The following IFT172 variants were observed in gnomAD, a reference collection of about 807,000 sequenced individuals.
The protein encoded by IFT172 is intraflagellar transport 172.
In IFT172, 164 loss-of-function variants were observed where a neutral mutation model predicts 248.9. The observed-to-expected ratio is 0.66, with a 90% CI of 0.58 to 0.75. The LOEUF (loss-of-function observed/expected upper bound fraction) is 0.75. IFT172 is among the 30% of genes least tolerant of loss of function. IFT172 has a pLI of 0.00. For missense variants in IFT172, 1,950 were observed against 2,192.4 expected, an observed-to-expected ratio of 0.89 and a Z score of 2.21; for synonymous variants, 729 against 791.6, an observed-to-expected ratio of 0.92 and a Z score of 1.33.
intron 42 of IFT172, among the ~76,000 whole-genome samples, chr2:27,446,680 ATTTTTTT>A (rs766069964): frequency 2.7e-4 from 22 of 80,466 alleles, no homozygotes; most frequent in African/African-American, 6.7e-4. Flanking sequence ...TGCCTGGCTA[ATTTTTTT>A]TTTTTTTTTT....
chr2:27,461,769 G>A lies in IFT172; in HGVS notation c.2183C>T (p.Ala728Val), dbSNP rs748281342. ...AGATAAAACAGGTACCTTGGCTTCA[G>A]CCACAGCGATACACTCATCCCAACG... The part of the protein sequence containing the change: ...LHRWDECIAV[A>V]EAKGHPALEK... The change falls in exon 21 of 48, where the codon GCT (alanine) becomes GTT (valine). Residue 728 changes from alanine to valine, a missense_variant. By Grantham distance (64) the Ala-to-Val change is moderately conservative. Transcript: ENST00000260570. 1 of 1,614,130 alleles carries A rather than the reference G, an allele frequency of 6.2e-7. No individual in the cohort carries two copies. Among genetic ancestry groups the A allele is most frequent in the East Asian group, 2.2e-5 (1 of 44,874 alleles).
intron 7 of IFT172, 100 bp downstream of exon 7, chr2:27,483,189 G>GT (rs1161891676): frequency 1.8e-5 from 13 of 731,208 alleles, no homozygotes; most frequent in African/African-American, 1.1e-4. Flanking sequence ...TTTATTTTTT[G>GT]TTTTTTTGGT....
Position 27,458,233 on chromosome 2 carries a change from C to CA in IFT172, c.2878-11dup, listed in dbSNP as rs751218651. On this transcript the variant is annotated splice_polypyrimidine_tract_variant and intron_variant, in intron 26 of 47. Transcript: ENST00000260570. ...TGCATTTCATCGCCAGCTGTGGAGG[C>CA]ACAGAGGCAAGGCAGCCTCAGATCC... The CA allele has an allele frequency of 6.2e-7, 1 of 1,612,762 alleles. No homozygotes were observed. The highest frequency in any genetic ancestry group is 8.5e-7 in the Non-Finnish European group (1 of 1,178,738).
intron 30 of IFT172, chr2:27,455,982 G>A: frequency 4.2e-6 from 1 of 239,434 alleles, no homozygotes; most frequent in South Asian, 4.6e-5. Context: ...GGGAGGCCAA[G>A]GTGGGCAGAT....
At chr2:27,450,951 GTTT>G (rs60390986) in intron 35 of IFT172, among the ~76,000 whole-genome samples, 1 of 143,202 alleles carries the variant, frequency 7.0e-6, no homozygotes, top group Non-Finnish European at 1.5e-5. Flanking sequence ...ATTTTTACCT[GTTT>G]TTTTTTTTTT....
At chr2:27,453,201 A>C (rs1665840627) in intron 35 of IFT172, 183 bp downstream of exon 35, 2 of 831,988 alleles carry the variant, frequency 2.4e-6, no homozygotes, top group Non-Finnish European at 4.2e-6. Flanking sequence ...GCTCTGTCTT[A>C]TATCCACTTT....
Position 27,489,743 on chromosome 2 carries a change from T to G in IFT172, c.-90A>C. 2.0e-6 allele frequency: 2 copies of G among 980,792 alleles called. No individual in the cohort carries two copies. Among genetic ancestry groups the G allele is most frequent in the Non-Finnish European group, 3.2e-6 (2 of 634,110 alleles). The allele number at this position is 980,792 out of a possible 1,614,324, so 60.8% of individuals were successfully genotyped here. On this transcript the variant is annotated 5_prime_UTR_variant, in exon 1 of 48. Coordinates refer to ENST00000260570, the MANE Select transcript of IFT172 (RefSeq NM_015662.3). ...GCCACGCAGCCGCAGCGACAGGCAC[T>G]GACGCTTATGCGACCGGAGCGCAAC... is the stretch of plus-strand genomic sequence containing the variant.
chr2:27,478,010 A>G lies in IFT172; in HGVS notation c.1152T>C (p.Thr384=). Residue 384 remains threonine (T), a synonymous_variant, in exon 11 of 48, where the codon ACT becomes ACC. Transcript: ENST00000260570. ...SETLLLGDLN[T]NRLSEIAWQG... ...TGGTTCCTACCTCACTAAGCCGATT[A>G]GTGTTCAGGTCCCCCAGCAGCAGTG... 6.2e-7 allele frequency: 1 copy of G among 1,614,134 alleles called. No homozygotes were observed. The highest frequency in any genetic ancestry group is 2.2e-5 in the East Asian group (1 of 44,884).
chr2:27,458,843 C>T lies in IFT172; in HGVS notation c.2813G>A (p.Gly938Glu). The change falls in exon 26 of 48, where the codon GGA becomes GAA. Residue 938 changes from glycine (G) to glutamate (E), a missense_variant. Transcript: ENST00000260570. ...YEIAEELYTK[G>E]DRTKDAIDMY... ...GTCTATGGCATCTTTTGTCCGATCTCCCTTAGTATAGAGCTCCTCAGCAAT... is the reference window on the plus strand; with the variant it reads ...GTCTATGGCATCTTTTGTCCGATCTTCCTTAGTATAGAGCTCCTCAGCAAT... 6.2e-7 allele frequency: 1 copy of T among 1,614,134 alleles called. No homozygotes were observed. The highest frequency in any genetic ancestry group is 1.3e-5 in the African/African-American group (1 of 75,032).
intron 30 of IFT172, 71 bp downstream of exon 30, chr2:27,456,440 A>T: frequency 6.5e-7 from 1 of 1,537,910 alleles, no homozygotes; most frequent in Admixed American, 2.1e-5. Context: ...TCAGTTATAC[A>T]TCAATTTTCT....
Position 27,454,078 on chromosome 2 carries a change from T to A in IFT172, c.3615A>T (p.Gly1205=). 1 of 1,614,072 alleles carries A rather than the reference T, an allele frequency of 6.2e-7. No individual in the cohort carries two copies. Among genetic ancestry groups the A allele is most frequent in the Non-Finnish European group, 8.5e-7 (1 of 1,180,022 alleles). The change falls in exon 33 of 48, where the codon GGA becomes GGT. Residue 1205 remains glycine (G), a synonymous_variant. Coordinates refer to ENST00000260570, the MANE Select transcript of IFT172 (RefSeq NM_015662.3). The surrounding 1 kb of genome is among the most constrained non-coding windows in gnomAD (Gnocchi z 4.2). ...TCTCCTCCAAGGCCCCCCGGGCCTGTCCCACAAGCACCTCGGCGACACTGT... is the reference window on the plus strand; with the variant it reads ...TCTCCTCCAAGGCCCCCCGGGCCTGACCCACAAGCACCTCGGCGACACTGT... ...DPDSVAEVLV[G]QARGALEEKD...
At chr2:27,465,600 G>A (rs1289656361) in intron 17 of IFT172, 82 bp from the exon 18 acceptor site, 1 of 1,535,034 alleles carries the variant, frequency 6.5e-7, no homozygotes, top group Non-Finnish European at 9.0e-7. Flanking sequence ...GGGGCAAGGG[G>A]AGGGGGAAGG....
At chr2:27,467,418 G>GGAA (rs1558391401) in intron 16 of IFT172, among the ~76,000 whole-genome samples, 2 of 16,426 alleles carry the variant, frequency 1.2e-4, no homozygotes, top group Admixed American at 9.7e-4. Context: ...ACAGAAAATT[G>GGAA]AAAAAAAAAA....
At chr2:27,465,279 C>T in intron 18 of IFT172, 132 bp downstream of exon 18, 1 of 729,064 alleles carries the variant, frequency 1.4e-6, no homozygotes, top group Non-Finnish European at 2.5e-6. Context: ...TGCAGAAGGG[C>T]TCTATGCTAT....
intron 7 of IFT172, among the ~76,000 whole-genome samples, chr2:27,483,055 T>A (rs1016468531): frequency 6.6e-6 from 1 of 150,590 alleles, no homozygotes; most frequent in African/African-American, 2.5e-5. Context: ...CAGGCTGTAG[T>A]GCAGTGGTGC....
At position 27,465,817 on chromosome 2, in the gene IFT172, A is replaced by G; in HGVS notation, c.1758T>C (p.Thr586=). The change falls in exon 17 of 48, where the codon ACT becomes ACC. Residue 586 remains threonine, a synonymous_variant. Transcript: ENST00000260570. ...CCTCATCCAATGTGTAGGCAACAGT[A>G]GTCACACCTTCCATCACCATCACCT... ...KTEVMVMEGV[T]TVAYTLDEGL... is the part of the protein sequence containing the mutation. The G allele has an allele frequency of 6.2e-7, 1 of 1,614,078 alleles. No individual in the cohort carries two copies. Among genetic ancestry groups the G allele is most frequent in the Admixed American group, 1.7e-5 (1 of 60,014 alleles).
chr2:27,459,750 C>T lies in IFT172; in HGVS notation c.2601G>A (p.Gln867=), dbSNP rs1406843732. ...EEAWGDHLVQ[Q]KQLDAAINHY... ...GATTAATGGCTGCATCAAGCTGCTT[C>T]TGCTGCACCAGGTGGTCCCCCCATG... is the stretch of plus-strand genomic sequence containing the variant. The change falls in exon 24 of 48, where the codon CAG becomes CAA. Residue 867 remains glutamine, a synonymous_variant. Coordinates refer to ENST00000260570, the MANE Select transcript of IFT172 (RefSeq NM_015662.3). 12 of 1,612,960 alleles carry T rather than the reference C, an allele frequency of 7.4e-6. No homozygotes were observed. Among genetic ancestry groups the T allele is most frequent in the Non-Finnish European group, 1.0e-5 (12 of 1,180,048 alleles).
At chr2:27,464,743 G>A (rs185502319) in intron 18 of IFT172, among the ~76,000 whole-genome samples, 1 of 151,338 alleles carries the variant, frequency 6.6e-6, no homozygotes, top group Non-Finnish European at 1.5e-5. Context: ...TCAGCCTCCT[G>A]AATAGCTGGG....
At position 27,484,266 on chromosome 2, in the gene IFT172, C is replaced by T; in HGVS notation, c.297G>A (p.Trp99Ter). Reference protein sequence around the residue: ...IIYVYKIGEDWGDKKVICNKF... With the variant: ...IIYVYKIGED ...TGTTGCAGATGACTTTCTTGTCACC[C>T]CTGCCAAACAAAAGAAGGGGAAACA... Residue 99 changes from tryptophan (W) to a stop codon, truncating the protein, a stop_gained and splice_region_variant, in exon 4 of 48, where the codon TGG becomes TGA. Coordinates refer to ENST00000260570, the MANE Select transcript of IFT172 (RefSeq NM_015662.3). LOFTEE classifies it high-confidence loss of function. The T allele has an allele frequency of 6.2e-7, 1 of 1,613,836 alleles. No homozygotes were observed. The highest frequency in any genetic ancestry group is 1.7e-4 in the Middle Eastern group (1 of 6,052).
Sources: gnomAD v4.1 joint callset for allele counts (sites outside exome capture counted in the v4.1 genomes callset) on GRCh38, gnomAD v4.1.1 for gene constraint, Gnocchi (gnomAD v3.1) non-coding constraint, MANE v1.5 for transcripts, NCBI Gene and HGNC (gene_info 2026-07-23, HGNC 2026-07-21) for gene names.